KALRN: variants seen among roughly 807,000 people sequenced by gnomAD.
The protein encoded by KALRN is kalirin.
KALRN carries 70 observed loss-of-function variants against 353.7 expected under a neutral mutation model. The ratio of observed to expected loss-of-function variants is 0.20; its 90% confidence interval spans 0.16 to 0.24. The LOEUF (loss-of-function observed/expected upper bound fraction) is 0.24, where lower values mean the gene tolerates loss of function less well. Ranked by LOEUF, KALRN falls within the 10% of genes least tolerant of loss-of-function variation. The pLI is 1.00. For synonymous variants in KALRN, 1,391 were observed against 1,434.8 expected (o/e 0.97, Z 0.69); for missense variants, 2,791 against 3,756.7 (o/e 0.74, Z 6.72).
At chr3:124,240,393 G>A (rs1048269613) in intron 3 of KALRN, among the ~76,000 whole-genome samples, 11 of 152,178 alleles carry the variant, frequency 7.2e-5, no homozygotes, top group Admixed American at 7.2e-4. Context: ...ATAAGGCTGT[G>A]GGCAGAGAAC....
intron 1 of KALRN, among the ~76,000 whole-genome samples, chr3:124,112,107 A>G (rs2063036964): frequency 6.6e-6 from 1 of 152,134 alleles, no homozygotes; most frequent in Admixed American, 6.5e-5. Context: ...TTTCGAGACC[A>G]GACTGGCCAA....
chr3:124,242,899 A>C (rs1012711485), intron 3 of KALRN, among the ~76,000 whole-genome samples: 1 of 152,188 alleles, frequency 6.6e-6, no homozygotes, highest in Non-Finnish European at 1.5e-5. Context: ...ATAGTCAACC[A>C]TGATTTAGTT....
intron 1 of KALRN, among the ~76,000 whole-genome samples, chr3:124,224,610 A>G (rs535352327): frequency 2.0e-5 from 3 of 152,232 alleles, no homozygotes; most frequent in African/African-American, 7.2e-5. Context: ...TTCCATCACT[A>G]TTCTCCCATT....
At chr3:124,122,567 A>G (rs965733265) in intron 1 of KALRN, among the ~76,000 whole-genome samples, 1 of 152,252 alleles carries the variant, frequency 6.6e-6, no homozygotes, top group East Asian at 1.9e-4. Flanking sequence ...TAATTTTCAC[A>G]ATATTTCAAA....
At chr3:124,518,070 C>T (rs33981978) in intron 33 of KALRN, among the ~76,000 whole-genome samples, 34,154 of 152,124 alleles carry the variant, frequency 0.22, 4,106 homozygotes, top group East Asian at 0.31. Flanking sequence ...CAGGACTGGT[C>T]TACAGGCGTC....
chr3:124,621,823 C>T (rs1163079975), intron 34 of KALRN, among the ~76,000 whole-genome samples: 3 of 152,154 alleles, frequency 2.0e-5, no homozygotes, highest in African/African-American at 7.2e-5. Flanking sequence ...TAAATTTTGC[C>T]AGAGTATTAT....
intron 37 of KALRN, among the ~76,000 whole-genome samples, chr3:124,648,556 C>A (rs935447777): frequency 6.6e-6 from 1 of 152,210 alleles, no homozygotes; most frequent in Non-Finnish European, 1.5e-5. Context: ...ACATTCATTT[C>A]TTCTAAGGGC....
intron 1 of KALRN, among the ~76,000 whole-genome samples, chr3:124,219,490 C>T (rs2077665664): frequency 6.6e-6 from 1 of 152,218 alleles, no homozygotes; most frequent in Admixed American, 6.5e-5. Context: ...TAGTTATCAG[C>T]CAAGTCCCTG....
intron 3 of KALRN, among the ~76,000 whole-genome samples, chr3:124,254,360 G>A (rs1441833278): frequency 2.7e-5 from 4 of 149,072 alleles, no homozygotes; most frequent in Admixed American, 2.7e-4. Context: ...TCTAACAGGA[G>A]GAGCTAGCAA....
At chr3:124,375,935 C>CA (rs750664871) in intron 10 of KALRN, among the ~76,000 whole-genome samples, 28 of 152,060 alleles carry the variant, frequency 1.8e-4, no homozygotes, top group Non-Finnish European at 3.2e-4. Flanking sequence ...TTTCTAGGCC[C>CA]ATGTACCTTC....
At chr3:124,328,065 T>G (rs1174461319) in intron 7 of KALRN, among the ~76,000 whole-genome samples, 4 of 152,236 alleles carry the variant, frequency 2.6e-5, no homozygotes, top group Non-Finnish European at 5.9e-5. Context: ...CTATGGGTAT[T>G]TGCACCACAT....
chr3:124,688,801 C>T (rs1278459506), intron 51 of KALRN, among the ~76,000 whole-genome samples: 1 of 152,156 alleles, frequency 6.6e-6, no homozygotes, highest in Non-Finnish European at 1.5e-5. Flanking sequence ...CAGACATTGG[C>T]TGACAAGGAA....
chr3:124,491,212 A>G, intron 30 of KALRN, 111 bp from the exon 31 acceptor site: 1 of 644,282 alleles, frequency 1.6e-6, no homozygotes, highest in Non-Finnish European at 2.6e-6. Flanking sequence ...GATTGACAGA[A>G]GCCCCTCCCT....
chr3:124,495,994 TATATATATATATATATATAC>T (rs1561137061), intron 32 of KALRN, among the ~76,000 whole-genome samples: 732 of 57,468 alleles, frequency 0.013, 100 homozygotes, highest in Non-Finnish European at 0.018. Context: ...TATATATATA[TATATATATATATATATATAC>T]ACACACATAT....
intron 1 of KALRN, among the ~76,000 whole-genome samples, chr3:124,067,296 T>C (rs1348260537): frequency 6.6e-6 from 1 of 151,956 alleles, no homozygotes; most frequent in African/African-American, 2.4e-5. Context: ...GGTTCTTTCC[T>C]TCCCTACCCC....
At chr3:124,108,416 T>G (rs1310372262) in intron 1 of KALRN, among the ~76,000 whole-genome samples, 2 of 152,222 alleles carry the variant, frequency 1.3e-5, no homozygotes, top group African/African-American at 4.8e-5. Context: ...GTTTCTTTAT[T>G]CAGAGAATTA....
intron 33 of KALRN, among the ~76,000 whole-genome samples, chr3:124,503,902 T>C (rs9874678): frequency 0.26 from 39,013 of 152,160 alleles, 5,185 homozygotes; most frequent in South Asian, 0.38. Context: ...TTATTTTACT[T>C]AATATTTTGA....
At chr3:124,257,037 C>G (rs536951220) in intron 3 of KALRN, among the ~76,000 whole-genome samples, 48 of 152,310 alleles carry the variant, frequency 3.2e-4, no homozygotes, top group African/African-American at 1.1e-3. Flanking sequence ...CAAGCCTATT[C>G]TTGCAATAAA....
At position 124,269,183 on chromosome 3, in the gene KALRN, G is replaced by A. The variant is rs2073885893; in HGVS notation, c.897G>A (p.Gln299=). 4 of 1,612,652 alleles carry A rather than the reference G, an allele frequency of 2.5e-6. No individual in the cohort carries two copies. The highest frequency in any genetic ancestry group is 3.4e-6 in the Non-Finnish European group (4 of 1,179,272). Reference sequence around the variant, plus strand: ...ACTCCACCCGGCAGCACCTGCACCAGATGTGGCATGTGCGCAAGCTCAAGC... The same window carrying A: ...ACTCCACCCGGCAGCACCTGCACCAAATGTGGCATGTGCGCAAGCTCAAGC... ...KLHSTRQHLH[Q]MWHVRKLKLD... Residue 299 remains glutamine, a synonymous_variant, in exon 5 of 60, where the codon CAG becomes CAA. Coordinates refer to ENST00000682506, the MANE Select transcript of KALRN (RefSeq NM_001388419.1).
Sources: gnomAD v4.1 joint callset for allele counts (sites outside exome capture counted in the v4.1 genomes callset) on GRCh38, gnomAD v4.1.1 for gene constraint, MANE v1.5 for transcripts, NCBI Gene and HGNC (gene_info 2026-07-23, HGNC 2026-07-21) for gene names.